The following DNAH9 variants were observed in gnomAD, a reference collection of about 807,000 sequenced individuals.
The protein encoded by DNAH9 is DNAH9 variant protein.
DNAH9 carries 345 observed loss-of-function variants against 471.6 expected under a neutral mutation model. The ratio of observed to expected loss-of-function variants is 0.73; its 90% CI spans 0.67 to 0.80. The LOEUF is 0.80. DNAH9 is among the 30% of genes least tolerant of loss of function. DNAH9 has a pLI of 0.00. For synonymous variants in DNAH9, 2,093 were observed against 2,123.6 expected (o/e 0.99, Z 0.40); for missense variants, 5,407 against 5,609.2 (o/e 0.96, Z 1.15).
chr17:11,929,803 A>G (rs901880233), intron 62 of DNAH9, 63 bp from the exon 63 acceptor site: 332 of 1,416,508 alleles, frequency 2.3e-4, no homozygotes, highest in Non-Finnish European at 3.1e-4. Context: ...CCTGACAACT[A>G]TTTACTGCTA....
intron 28 of DNAH9, among the ~76,000 whole-genome samples, chr17:11,737,002 G>A (rs1234269475): frequency 6.6e-6 from 1 of 152,194 alleles, no homozygotes; most frequent in Non-Finnish European, 1.5e-5. Context: ...TGCCAGTCAC[G>A]TAACTTGCAG....
chr17:11,821,084 C>G (rs1970292397), intron 45 of DNAH9, among the ~76,000 whole-genome samples: 1 of 151,944 alleles, frequency 6.6e-6, no homozygotes, highest in Non-Finnish European at 1.5e-5. Flanking sequence ...GAGTTCGAGA[C>G]CAAGCCTGAC....
intron 28 of DNAH9, among the ~76,000 whole-genome samples, chr17:11,734,752 T>G (rs545022420): frequency 8.5e-5 from 13 of 152,348 alleles, no homozygotes; most frequent in African/African-American, 3.1e-4. Context: ...CAGTTGCTGC[T>G]AAATCCCATC....
rs58064520 is a variant in DNAH9, at chr17:11,926,068, G to C, written c.11877+2127G>C. Among the ~76,000 whole-genome samples, 302 of 125,566 alleles carry C rather than the reference G, an allele frequency of 2.4e-3. 8 individuals carry two copies. The highest frequency in any genetic ancestry group is 3.8e-3 in the Admixed American group (40 of 10,484). 82.4% of individuals were successfully genotyped at this position (125,566 alleles called of 152,430 possible). A position where few individuals can be genotyped will look rare whatever the true frequency, so the allele number is the denominator to read the frequency against. ...AAAAAAAAAAAAAAAAAAAAGCTGGGGGGGGAGGAATACACTTAACAAATT... is the reference window on the plus strand; with the variant it reads ...AAAAAAAAAAAAAAAAAAAAGCTGGCGGGGGAGGAATACACTTAACAAATT... On this transcript the variant is annotated intron_variant, in intron 62 of 68. Coordinates refer to ENST00000262442, the MANE Select transcript of DNAH9 (RefSeq NM_001372.4).
At chr17:11,852,789 T>G (rs910000575) in intron 49 of DNAH9, among the ~76,000 whole-genome samples, 30 of 133,486 alleles carry the variant, frequency 2.2e-4, no homozygotes, top group African/African-American at 7.7e-4. Flanking sequence ...ATATAAGAGA[T>G]ATATATAAGA....
At chr17:11,618,017 G>A (rs1225479675) in intron 5 of DNAH9, among the ~76,000 whole-genome samples, 1 of 152,186 alleles carries the variant, frequency 6.6e-6, no homozygotes, top group Non-Finnish European at 1.5e-5. Context: ...TTGGCAGCCA[G>A]CATACCACTT....
chr17:11,960,169 C>T (rs998210204), intron 67 of DNAH9, among the ~76,000 whole-genome samples: 3 of 152,178 alleles, frequency 2.0e-5, no homozygotes, highest in Non-Finnish European at 2.9e-5. Context: ...GGTGCAGTGG[C>T]TCACGCCTGT....
chr17:11,880,014 A>G, intron 53 of DNAH9, 64 bp from the exon 54 acceptor site: 3 of 1,592,856 alleles, frequency 1.9e-6, no homozygotes, highest in Non-Finnish European at 1.7e-6. Context: ...TTGTCTCATT[A>G]AATGGTCTCA....
At chr17:11,819,602 G>C (rs979135281) in intron 45 of DNAH9, among the ~76,000 whole-genome samples, 2 of 151,952 alleles carry the variant, frequency 1.3e-5, no homozygotes, top group African/African-American at 2.4e-5. Flanking sequence ...AGCAGGTCTC[G>C]AACTCCTGAC....
chr17:11,874,757 G>A (rs1282433385), intron 52 of DNAH9, among the ~76,000 whole-genome samples, 192 bp from the exon 53 acceptor site: 1 of 148,962 alleles, frequency 6.7e-6, no homozygotes, highest in Non-Finnish European at 1.5e-5. Flanking sequence ...CCATGGAGGG[G>A]AAAAAAAAAA....
At chr17:11,598,987 A>AGGGG in intron 1 of DNAH9, 72 bp downstream of exon 1, 4 of 296,548 alleles carry the variant, frequency 1.3e-5, no homozygotes, top group Non-Finnish European at 1.8e-5. Context: ...TAAGGGACGG[A>AGGGG]GGCGGGGCCA....
intron 49 of DNAH9, among the ~76,000 whole-genome samples, chr17:11,850,092 A>C (rs1971363574): frequency 6.6e-6 from 1 of 152,344 alleles, no homozygotes; most frequent in East Asian, 1.9e-4. Flanking sequence ...GTAGTAGAGC[A>C]TGACAGATGC....
At chr17:11,761,601 C>T (rs1281676493) in intron 35 of DNAH9, among the ~76,000 whole-genome samples, 1 of 152,204 alleles carries the variant, frequency 6.6e-6, no homozygotes. Context: ...ACCTGGATTC[C>T]AGGAGATGCT....
chr17:11,713,442 G>C (rs1174954726), intron 26 of DNAH9, among the ~76,000 whole-genome samples: 1 of 152,002 alleles, frequency 6.6e-6, no homozygotes, highest in Non-Finnish European at 1.5e-5. Flanking sequence ...TGGGTCAAAT[G>C]GTAGTCCTGC....
intron 1 of DNAH9, among the ~76,000 whole-genome samples, chr17:11,599,216 G>A (rs2072333450): frequency 1.3e-5 from 2 of 152,126 alleles, no homozygotes; most frequent in Admixed American, 6.5e-5. Flanking sequence ...GTCAGTCCGG[G>A]TCTGGGTTCC....
At chr17:11,749,073 T>TAAGAG (rs1967034507) in intron 32 of DNAH9, among the ~76,000 whole-genome samples, 1 of 35,570 alleles carries the variant, frequency 2.8e-5, no homozygotes, top group Admixed American at 4.1e-4. Context: ...GGTTTTTTTT[T>TAAGAG]GTTTTTTTTT....
chr17:11,771,583 C>T (rs1968206628), intron 38 of DNAH9, among the ~76,000 whole-genome samples: 1 of 152,234 alleles, frequency 6.6e-6, no homozygotes, highest in Non-Finnish European at 1.5e-5. Context: ...GAAGTCATCA[C>T]ATCAGCACCT....
chr17:11,915,262 A>C (rs1567897044), intron 61 of DNAH9, among the ~76,000 whole-genome samples: 2 of 152,064 alleles, frequency 1.3e-5, no homozygotes, highest in Non-Finnish European at 2.9e-5. Context: ...GCAGTGGCTC[A>C]CGCCTGTAAT....
At chr17:11,709,048 A>G (rs536584736) in intron 26 of DNAH9, among the ~76,000 whole-genome samples, 4 of 152,186 alleles carry the variant, frequency 2.6e-5, no homozygotes, top group Non-Finnish European at 5.9e-5. Context: ...TAAAAAGTAC[A>G]AGATTTGTCT....
Sources: allele counts gnomAD v4.1 joint callset (sites outside exome capture counted in the v4.1 genomes callset), GRCh38; gene constraint gnomAD v4.1.1; transcripts MANE v1.5; gene names NCBI Gene and HGNC (gene_info 2026-07-23, HGNC 2026-07-21).